The following NKAIN1 variants were observed in gnomAD, a reference collection of about 807,000 sequenced individuals.
NKAIN1 encodes sodium/potassium transporting ATPase interacting 1, also known as sodium/potassium-transporting ATPase subunit beta-1-interacting protein 1.
In NKAIN1, 13 loss-of-function variants were observed where a neutral mutation model predicts 31.6. The ratio of observed to expected loss-of-function variants is 0.41; its 90% CI spans 0.27 to 0.65. The LOEUF (loss-of-function observed/expected upper bound fraction) is 0.65. Among genes scored for constraint, NKAIN1 ranks in the 30% least tolerant of loss-of-function variants. The probability of loss-of-function intolerance (pLI) is 0.30; values close to 1 mark genes in which losing one functional copy is unlikely to be tolerated. For synonymous variants in NKAIN1, 104 were observed against 109.0 expected, an observed-to-expected ratio of 0.95 and a Z score of 0.28; for missense variants, 193 against 262.2, an observed-to-expected ratio of 0.74 and a Z score of 1.82.
Position 31,181,934 on chromosome 1 carries a change from G to A in NKAIN1, c.540C>T (p.Phe180=). 1.9e-6 allele frequency: 3 copies of A among 1,607,326 alleles called. No individual in the cohort carries two copies. Among genetic ancestry groups the A allele is most frequent in the South Asian group, 1.1e-5 (1 of 89,586 alleles). Residue 180 remains phenylalanine, a synonymous_variant, in exon 6 of 7, where the codon TTC becomes TTT. Coordinates refer to ENST00000373736, the MANE Select transcript of NKAIN1 (RefSeq NM_024522.3). ...VFLEEEDSFD[F]IGGFDSYGYQ... The stretch of plus-strand genomic sequence containing the variant: ...ATCCGTAGGAGTCAAAGCCGCCGAT[G>A]AAGTCAACTGCGGAAGAGGGGCGGC...
intron 6 of NKAIN1, 34 bp downstream of exon 6, chr1:31,181,826 G>T: frequency 6.3e-7 from 1 of 1,587,580 alleles, no homozygotes; most frequent in South Asian, 1.1e-5. Context: ...CCGACGCCCA[G>T]GCCTCCCCAA....
chr1:31,232,420 TATATAGAG>T (rs1321629718), intron 1 of NKAIN1, among the ~76,000 whole-genome samples: 5 of 30,058 alleles, frequency 1.7e-4, no homozygotes, highest in African/African-American at 4.3e-4. Flanking sequence ...TATATATATA[TATATAGAG>T]AGAGAGAGAG....
intron 1 of NKAIN1, among the ~76,000 whole-genome samples, chr1:31,200,458 CT>C (rs3081712): frequency 8.6e-4 from 105 of 121,868 alleles, no homozygotes; most frequent in South Asian, 2.4e-3. Flanking sequence ...TCTCCTCTCT[CT>C]TTTTTTTTTT....
At chr1:31,223,612 T>C (rs1396414498) in intron 1 of NKAIN1, among the ~76,000 whole-genome samples, 1 of 151,882 alleles carries the variant, frequency 6.6e-6, no homozygotes, top group East Asian at 2.0e-4. Flanking sequence ...ACCCAGCTAA[T>C]GTTTTGTATT....
intron 1 of NKAIN1, among the ~76,000 whole-genome samples, chr1:31,210,567 G>A (rs756336010): frequency 9.2e-5 from 14 of 152,166 alleles, no homozygotes; most frequent in Non-Finnish European, 1.6e-4. Flanking sequence ...GGGATTACAG[G>A]CGTGAGCCCC....
chr1:31,231,626 G>C (rs973400604), intron 1 of NKAIN1, among the ~76,000 whole-genome samples: 2 of 152,268 alleles, frequency 1.3e-5, no homozygotes, highest in South Asian at 2.1e-4. Flanking sequence ...CGCCTCCTGG[G>C]TTCATGCCAC....
At chr1:31,192,555 AT>A (rs112203150) in intron 1 of NKAIN1, among the ~76,000 whole-genome samples, 76 of 146,446 alleles carry the variant, frequency 5.2e-4, no homozygotes, top group Admixed American at 1.1e-3. Context: ...ATTTAAATGA[AT>A]TTTTTTTTTT....
At chr1:31,188,027 G>A (rs1645258099) in intron 2 of NKAIN1, 23 bp downstream of exon 2, 1 of 1,549,382 alleles carries the variant, frequency 6.5e-7, no homozygotes, top group Non-Finnish European at 8.7e-7. Flanking sequence ...AGTTGGCTTG[G>A]GAAGGGGCTA....
At chr1:31,232,366 C>T (rs531691300) in intron 1 of NKAIN1, among the ~76,000 whole-genome samples, 70 of 128,854 alleles carry the variant, frequency 5.4e-4, no homozygotes, top group Non-Finnish European at 9.4e-4. Flanking sequence ...GTTGGGATTA[C>T]AGGCATGAGC....
In NKAIN1 at chr1:31,188,041, G is replaced by A. The variant is rs939963302; in HGVS notation, c.192+9C>T. On this transcript the variant is annotated intron_variant, in intron 2 of 6. Transcript: ENST00000373736. Reference sequence around the variant, plus strand: ...GAGTTGGCTTGGGAAGGGGCTAGGTGAGCCGTACCAGGATGAGGTACCGGG... The same window carrying A: ...GAGTTGGCTTGGGAAGGGGCTAGGTAAGCCGTACCAGGATGAGGTACCGGG... 1 of 1,552,154 alleles carries A rather than the reference G, an allele frequency of 6.4e-7. No homozygotes were observed. The highest frequency in any genetic ancestry group is 1.4e-5 in the African/African-American group (1 of 73,176).
At chr1:31,202,523 A>G (rs182814082) in intron 1 of NKAIN1, among the ~76,000 whole-genome samples, 2,617 of 150,950 alleles carry the variant, frequency 0.017, 20 homozygotes, top group Non-Finnish European at 0.027. Context: ...TAAAAACACA[A>G]AAAACTAGCC....
At chr1:31,193,495 G>A (rs1645302169) in intron 1 of NKAIN1, among the ~76,000 whole-genome samples, 1 of 151,994 alleles carries the variant, frequency 6.6e-6, no homozygotes, top group Non-Finnish European at 1.5e-5. Context: ...AGGAGTTCGA[G>A]ATCAGCCTAG....
intron 1 of NKAIN1, among the ~76,000 whole-genome samples, chr1:31,216,953 CCTCCCGCATTCAAGCGATT>C (rs1451350724): frequency 1.3e-5 from 2 of 152,122 alleles, no homozygotes; most frequent in African/African-American, 2.4e-5. Flanking sequence ...GCAAACTCCG[CCTCCCGCATTCAAGCGATT>C]CTCCCGCCTC....
chr1:31,209,888 G>A (rs1645454323), intron 1 of NKAIN1, among the ~76,000 whole-genome samples: 1 of 151,890 alleles, frequency 6.6e-6, no homozygotes, highest in Non-Finnish European at 1.5e-5. Context: ...TCAGGATGCT[G>A]AGGTGGGAGG....
intron 1 of NKAIN1, among the ~76,000 whole-genome samples, chr1:31,215,077 G>A (rs1645500726): frequency 9.0e-6 from 1 of 111,584 alleles, no homozygotes; most frequent in Non-Finnish European, 2.2e-5. Flanking sequence ...CCTCGTGGGA[G>A]GAGAAAAAAA....
intron 1 of NKAIN1, among the ~76,000 whole-genome samples, chr1:31,234,778 G>A (rs142998233): frequency 1.3e-5 from 2 of 152,242 alleles, no homozygotes; most frequent in East Asian, 1.9e-4. Context: ...ACGCAGGCTT[G>A]GACCTGTCTG....
intron 1 of NKAIN1, among the ~76,000 whole-genome samples, chr1:31,228,472 G>A (rs1439001970): frequency 6.6e-6 from 1 of 152,076 alleles, no homozygotes; most frequent in Non-Finnish European, 1.5e-5. Context: ...TCACAGAAAT[G>A]TTCATAATTA....
chr1:31,212,103 T>C (rs1477513041), intron 1 of NKAIN1, among the ~76,000 whole-genome samples: 1 of 152,144 alleles, frequency 6.6e-6, no homozygotes, highest in Non-Finnish European at 1.5e-5. Flanking sequence ...AGCATAAGGA[T>C]AGACATACAG....
At chr1:31,229,134 A>G (rs1107427) in intron 1 of NKAIN1, among the ~76,000 whole-genome samples, 61,954 of 152,058 alleles carry the variant, frequency 0.41, 15,754 homozygotes, top group African/African-American at 0.72. Flanking sequence ...TGTTTCATAC[A>G]CTAAGGTGAC....
Sources: gnomAD v4.1 joint callset for allele counts (sites outside exome capture counted in the v4.1 genomes callset) on GRCh38, gnomAD v4.1.1 for gene constraint, MANE v1.5 for transcripts, NCBI Gene and HGNC (gene_info 2026-07-23, HGNC 2026-07-21) for gene names.